Variants in SYTL5 observed in about 807,000 individuals in gnomAD.
The protein encoded by SYTL5 is synaptotagmin-like protein 5.
Under a neutral mutation model 55.9 loss-of-function variants are expected in SYTL5, and 34 were observed. That is an observed-to-expected ratio of 0.61 (90% CI 0.46 to 0.81). The LOEUF is 0.81. Ranked by LOEUF, SYTL5 falls within the 30% of genes least tolerant of loss-of-function variation. SYTL5 has a pLI of 0.00. For missense variants in SYTL5, 637 were observed against 546.7 expected, an observed-to-expected ratio of 1.17 and a Z score of -1.65; for synonymous variants, 221 against 188.7, an observed-to-expected ratio of 1.17 and a Z score of -1.40.
chrX:37,927,426 G>A, the SYTL5 span, among the ~76,000 whole-genome samples: 1 of 111,362 alleles, frequency 9.0e-6, no homozygotes, highest in East Asian at 2.8e-4. Flanking sequence ...AGGCAGCTCC[G>A]ACTGATAAAA....
At chrX:38,086,670 C>CA (rs2147490925) in intron 6 of SYTL5, among the ~76,000 whole-genome samples, 1 of 112,277 alleles carries the variant, frequency 8.9e-6, no homozygotes, top group Non-Finnish European at 1.9e-5. Context: ...TTACACTTCA[C>CA]AACTTTAATT....
chrX:37,901,958 A>G, the SYTL5 span, among the ~76,000 whole-genome samples: 1 of 112,136 alleles, frequency 8.9e-6, no homozygotes, highest in African/African-American at 3.2e-5. Flanking sequence ...GGTAATAAAC[A>G]AATATACACA....
chrX:38,067,938 G>T (rs955751971), intron 3 of SYTL5, among the ~76,000 whole-genome samples: 30 of 111,847 alleles, frequency 2.7e-4, no homozygotes, highest in African/African-American at 9.1e-4. Flanking sequence ...ATTGACAAAT[G>T]AGACCTAATT....
chrX:38,104,864 T>C (rs1270422108), intron 10 of SYTL5, among the ~76,000 whole-genome samples: 4 of 111,946 alleles, frequency 3.6e-5, no homozygotes, highest in Non-Finnish European at 7.5e-5. Context: ...GTCACCTTTA[T>C]CCACAGAGGA....
intron 13 of SYTL5, among the ~76,000 whole-genome samples, chrX:38,118,781 G>A (rs1467000106): frequency 1.0e-4 from 11 of 109,042 alleles, no homozygotes. Flanking sequence ...TAGAGGCAGG[G>A]CCTCACTCTG....
At chrX:37,916,876 G>A in the SYTL5 span, among the ~76,000 whole-genome samples, 8 of 111,185 alleles carry the variant, frequency 7.2e-5, no homozygotes, top group African/African-American at 2.6e-4. Flanking sequence ...CAGATTTTCG[G>A]AATTTTTACC....
chrX:37,895,988 C>T, the SYTL5 span, among the ~76,000 whole-genome samples: 2 of 111,894 alleles, frequency 1.8e-5, no homozygotes, highest in Non-Finnish European at 1.9e-5. Context: ...TAGGAGAGGC[C>T]ATTAGGTTGA....
the SYTL5 span, among the ~76,000 whole-genome samples, chrX:37,935,730 A>C: frequency 1.1e-3 from 121 of 112,467 alleles, no homozygotes; most frequent in African/African-American, 3.8e-3. Flanking sequence ...ACTACTAAGA[A>C]AATATCTTAA....
the SYTL5 span, among the ~76,000 whole-genome samples, chrX:37,920,993 C>CT: frequency 9.0e-6 from 1 of 111,234 alleles, no homozygotes; most frequent in Non-Finnish European, 1.9e-5. Context: ...TACTGCTTCC[C>CT]TCCAGTAATA....
the SYTL5 span, among the ~76,000 whole-genome samples, chrX:37,903,400 G>A: frequency 9.3e-6 from 1 of 107,986 alleles, no homozygotes; most frequent in Non-Finnish European, 1.9e-5. Context: ...GTCCTTTGTA[G>A]GGACATGGAT....
At chrX:38,118,413 G>T (rs1261663612) in intron 13 of SYTL5, among the ~76,000 whole-genome samples, 1 of 111,176 alleles carries the variant, frequency 9.0e-6, no homozygotes, top group Non-Finnish European at 1.9e-5. Context: ...AATGAGCTAG[G>T]TTTCGGGACT....
At chrX:37,955,233 A>G in the SYTL5 span, among the ~76,000 whole-genome samples, 1 of 112,199 alleles carries the variant, frequency 8.9e-6, no homozygotes, top group South Asian at 3.7e-4. Flanking sequence ...TTTTAACATT[A>G]CATTTATATT....
chrX:38,064,546 A>G (rs901909599), intron 3 of SYTL5, among the ~76,000 whole-genome samples: 46 of 110,682 alleles, frequency 4.2e-4, no homozygotes, highest in African/African-American at 1.4e-3. Context: ...TCTTTTCCTT[A>G]TTAATTTGGA....
chrX:37,977,253 G>T, the SYTL5 span, among the ~76,000 whole-genome samples: 1 of 109,843 alleles, frequency 9.1e-6, no homozygotes, highest in South Asian at 4.0e-4. Flanking sequence ...GAAAAGAAGA[G>T]AAAATATCTG....
the SYTL5 span, among the ~76,000 whole-genome samples, chrX:37,978,448 G>A: frequency 1.8e-5 from 2 of 112,034 alleles, no homozygotes; most frequent in Non-Finnish European, 3.8e-5. Flanking sequence ...ATGAACCGCA[G>A]TAGTTCCAGG....
chrX:38,067,987 G>A (rs902614810), intron 3 of SYTL5, among the ~76,000 whole-genome samples: 4 of 111,814 alleles, frequency 3.6e-5, no homozygotes, highest in Non-Finnish European at 7.5e-5. Context: ...AACTAACAGA[G>A]CAAACAGACA....
intron 4 of SYTL5, 56 bp from the exon 5 acceptor site, chrX:38,073,534 C>G (rs1017223546): frequency 6.0e-5 from 51 of 853,119 alleles, no homozygotes; most frequent in African/African-American, 1.2e-4. Flanking sequence ...TATAAATTTG[C>G]TCTCATTTCT....
chrX:38,046,371 G>A (rs994923477), intron 2 of SYTL5, among the ~76,000 whole-genome samples: 2 of 111,689 alleles, frequency 1.8e-5, no homozygotes, highest in African/African-American at 6.5e-5. Context: ...CACAATCAAG[G>A]CAGAAGGTGA....
At chrX:37,962,350 T>C in the SYTL5 span, among the ~76,000 whole-genome samples, 1 of 111,344 alleles carries the variant, frequency 9.0e-6, no homozygotes, top group Non-Finnish European at 1.9e-5. Flanking sequence ...CTGCGATAGT[T>C]TGCTGAGAAT....
Sources: allele counts gnomAD v4.1 joint callset (sites outside exome capture counted in the v4.1 genomes callset), GRCh38; gene constraint gnomAD v4.1.1; transcripts MANE v1.5; gene names NCBI Gene and HGNC (gene_info 2026-07-23, HGNC 2026-07-21).